The following ADGRL3 variants were observed in gnomAD, a reference collection of about 807,000 sequenced individuals.
The protein encoded by ADGRL3 is adhesion G protein-coupled receptor L3.
A neutral mutation model predicts 153.5 loss-of-function variants in ADGRL3; 62 were observed. The ratio of observed to expected loss-of-function variants is 0.40; its 90% confidence interval spans 0.33 to 0.50. ADGRL3 has a LOEUF of 0.50. Among genes scored for constraint, ADGRL3 ranks in the 20% least tolerant of loss-of-function variants. ADGRL3 has a pLI of 0.47. For missense variants in ADGRL3, 1,641 were observed against 1,859.4 expected, an observed-to-expected ratio of 0.88 and a Z score of 2.16; for synonymous variants, 710 against 672.5, an observed-to-expected ratio of 1.06 and a Z score of -0.86.
At chr4:61,614,895 T>A (rs965801565) in intron 5 of ADGRL3, among the ~76,000 whole-genome samples, 2 of 152,166 alleles carry the variant, frequency 1.3e-5, no homozygotes, top group Non-Finnish European at 2.9e-5. Flanking sequence ...AGACTTTGGA[T>A]TTTTTGCTCG....
At chr4:61,232,490 G>A (rs576747987) in intron 1 of ADGRL3, among the ~76,000 whole-genome samples, 1 of 152,054 alleles carries the variant, frequency 6.6e-6, no homozygotes, top group East Asian at 1.9e-4. Flanking sequence ...TGTATTTTTA[G>A]TAGAGACAGG....
At chr4:61,622,653 G>T (rs527961522) in intron 5 of ADGRL3, among the ~76,000 whole-genome samples, 1 of 152,124 alleles carries the variant, frequency 6.6e-6, no homozygotes, top group South Asian at 2.1e-4. Flanking sequence ...AGGCATTCTG[G>T]TGTGCACTTT....
intron 2 of ADGRL3, among the ~76,000 whole-genome samples, chr4:61,477,488 A>G (rs890833618): frequency 1.3e-5 from 2 of 152,228 alleles, no homozygotes; most frequent in Non-Finnish European, 2.9e-5. Context: ...AGTGCTTGAT[A>G]CAAAAATGTT....
At chr4:61,237,887 A>G (rs939780146) in intron 1 of ADGRL3, among the ~76,000 whole-genome samples, 1 of 152,198 alleles carries the variant, frequency 6.6e-6, no homozygotes, top group Non-Finnish European at 1.5e-5. Flanking sequence ...GAAACACAGT[A>G]CAATACACTG....
At position 62,075,863 on chromosome 4, in the gene ADGRL3, T is replaced by A. The variant is rs1746975159; in HGVS notation, c.*4955T>A. The A allele has an allele frequency of 6.6e-6, 1 of 152,170 alleles. No homozygotes were observed. Among genetic ancestry groups the A allele is most frequent in the Non-Finnish European group, 1.5e-5 (1 of 68,024 alleles). The allele number at this position is 152,170 out of a possible 1,614,324, so 9.4% of individuals were successfully genotyped here. The stretch of plus-strand genomic sequence containing the variant: ...TGTTCTTTATAACATCTTAAAAATA[T>A]TAAACAATTAAATTTTCATTTGTAG... On this transcript the variant is annotated 3_prime_UTR_variant, in exon 27 of 27. Coordinates refer to ENST00000683033, the MANE Select transcript of ADGRL3 (RefSeq NM_001387552.1).
At chr4:61,743,597 T>G (rs764713432) in intron 8 of ADGRL3, among the ~76,000 whole-genome samples, 2 of 152,242 alleles carry the variant, frequency 1.3e-5, no homozygotes, top group Non-Finnish European at 2.9e-5. Flanking sequence ...ATAATTTGGC[T>G]GTTAGCATTC....
chr4:61,833,880 T>G (rs1365040231), intron 9 of ADGRL3, among the ~76,000 whole-genome samples: 1 of 152,076 alleles, frequency 6.6e-6, no homozygotes, highest in Non-Finnish European at 1.5e-5. Context: ...AGGAGCAGTT[T>G]GGAGGATAGA....
chr4:61,230,365 A>G (rs1165956770), intron 1 of ADGRL3, among the ~76,000 whole-genome samples: 3 of 152,162 alleles, frequency 2.0e-5, no homozygotes, highest in African/African-American at 7.2e-5. Flanking sequence ...GACATCTCAG[A>G]TATTATAAGT....
intron 1 of ADGRL3, among the ~76,000 whole-genome samples, chr4:61,317,416 A>C (rs1034994260): frequency 6.6e-6 from 1 of 152,202 alleles, no homozygotes; most frequent in Admixed American, 6.5e-5. Flanking sequence ...CTTTACAAAC[A>C]CTTTTCACAT....
At position 61,962,551 on chromosome 4, in the gene ADGRL3, A is replaced by G. The variant is rs2098991850; in HGVS notation, c.2805+14275A>G. The stretch of plus-strand genomic sequence containing the variant: ...TATTTTGTAAAGTCCAGGTCAGTTG[A>G]CCTGTAGAATGTTCACAGTCACAAC... On this transcript the variant is annotated intron_variant, in intron 17 of 26. Coordinates refer to ENST00000683033, the MANE Select transcript of ADGRL3 (RefSeq NM_001387552.1). 2.6e-5 allele frequency among the ~76,000 whole-genome samples: 4 copies of G among 152,220 alleles called. No individual in the cohort carries two copies. In the South Asian group the frequency reaches 8.3e-4, roughly 32 times the overall value.
intron 25 of ADGRL3, among the ~76,000 whole-genome samples, chr4:62,045,589 TGTACTCAA>T (rs1356321439): frequency 6.6e-6 from 1 of 152,036 alleles, no homozygotes; most frequent in Non-Finnish European, 1.5e-5. Flanking sequence ...CTCAATTATT[TGTACTCAA>T]GTAAGTTTCA....
At chr4:61,981,725 G>T (rs564702571) in intron 18 of ADGRL3, among the ~76,000 whole-genome samples, 1 of 152,222 alleles carries the variant, frequency 6.6e-6, no homozygotes, top group Non-Finnish European at 1.5e-5. Flanking sequence ...TTGCAAAATA[G>T]CAGAAAAGTT....
At chr4:61,849,154 T>C (rs1317080204) in intron 9 of ADGRL3, among the ~76,000 whole-genome samples, 1 of 152,162 alleles carries the variant, frequency 6.6e-6, no homozygotes, top group African/African-American at 2.4e-5. Context: ...ATTCCTTTTT[T>C]CTCCACTTTG....
chr4:61,487,793 G>T (rs2098213439), intron 2 of ADGRL3, among the ~76,000 whole-genome samples: 1 of 151,834 alleles, frequency 6.6e-6, no homozygotes, highest in Non-Finnish European at 1.5e-5. Context: ...AAAGAGCAAA[G>T]GTTCTATCTT....
chr4:61,241,082 T>TAC (rs1184613934), intron 1 of ADGRL3, among the ~76,000 whole-genome samples: 2 of 152,050 alleles, frequency 1.3e-5, no homozygotes, highest in African/African-American at 4.8e-5. Context: ...ATGTATCTTT[T>TAC]ACACACACAT....
chr4:61,262,376 C>T (rs920435548), intron 1 of ADGRL3, among the ~76,000 whole-genome samples: 1 of 152,068 alleles, frequency 6.6e-6, no homozygotes, highest in Non-Finnish European at 1.5e-5. Flanking sequence ...CCCCTTTTCT[C>T]TCTAAGTGCT....
chr4:61,963,769 C>G (rs2098996756), intron 17 of ADGRL3, among the ~76,000 whole-genome samples: 1 of 152,114 alleles, frequency 6.6e-6, no homozygotes, highest in African/African-American at 2.4e-5. Flanking sequence ...AGCTTGGATC[C>G]TCACACTTAA....
chr4:61,589,511 T>G (rs1385411157), intron 5 of ADGRL3, among the ~76,000 whole-genome samples: 13 of 152,112 alleles, frequency 8.5e-5, no homozygotes, highest in Admixed American at 8.5e-4. Context: ...TTTAAATAGA[T>G]TAAAGCATTT....
At chr4:61,881,717 T>G (rs1045842344) in intron 9 of ADGRL3, among the ~76,000 whole-genome samples, 1 of 152,230 alleles carries the variant, frequency 6.6e-6, no homozygotes, top group Non-Finnish European at 1.5e-5. Flanking sequence ...TTCATACTTA[T>G]GCATAACTGA....
Sources: allele counts gnomAD v4.1 joint callset (sites outside exome capture counted in the v4.1 genomes callset), GRCh38; gene constraint gnomAD v4.1.1; transcripts MANE v1.5; gene names NCBI Gene and HGNC (gene_info 2026-07-23, HGNC 2026-07-21).